The following NKAIN2 variants were observed in gnomAD, a reference collection of about 807,000 sequenced individuals.
The protein encoded by NKAIN2 is sodium/potassium transporting ATPase interacting 2.
NKAIN2 carries 14 observed loss-of-function variants against 32.6 expected under a neutral mutation model. The observed-to-expected ratio is 0.43, with a 90% CI of 0.28 to 0.67. The LOEUF is 0.67. Ranked by LOEUF, NKAIN2 falls within the 30% of genes least tolerant of loss-of-function variation. The pLI, the probability that NKAIN2 is intolerant of heterozygous loss-of-function variation, is 0.17. For synonymous variants in NKAIN2, 80 were observed against 87.2 expected (o/e 0.92, Z 0.46); for missense variants, 198 against 258.3 (o/e 0.77, Z 1.60).
chr6:124,598,551 T>C (rs630683), intron 3 of NKAIN2, among the ~76,000 whole-genome samples: 135,676 of 151,948 alleles, frequency 0.89, 60,841 homozygotes, highest in Non-Finnish European at 0.93. Context: ...CACTTCCACT[T>C]GCATGCTATT....
intron 4 of NKAIN2, among the ~76,000 whole-genome samples, chr6:124,774,047 A>G (rs984447923): frequency 6.6e-6 from 1 of 152,138 alleles, no homozygotes; most frequent in Non-Finnish European, 1.5e-5. Flanking sequence ...GCCTTTACTG[A>G]GAGTAGATTG....
chr6:124,563,090 G>A (rs1445031610), intron 3 of NKAIN2, among the ~76,000 whole-genome samples: 2 of 151,904 alleles, frequency 1.3e-5, no homozygotes, highest in African/African-American at 4.8e-5. Context: ...ATTTTTAGTA[G>A]AGACGGGGTT....
At chr6:124,779,754 A>T (rs764675072) in intron 4 of NKAIN2, among the ~76,000 whole-genome samples, 9 of 152,168 alleles carry the variant, frequency 5.9e-5, no homozygotes, top group Non-Finnish European at 1.0e-4. Context: ...CCCACCTAAC[A>T]ATAAGCCAAG....
intron 1 of NKAIN2, among the ~76,000 whole-genome samples, chr6:123,985,831 A>G (rs756491234): frequency 3.9e-5 from 6 of 152,226 alleles, no homozygotes; most frequent in Non-Finnish European, 8.8e-5. Flanking sequence ...AACTAGAAAG[A>G]GAAGGAATAC....
intron 1 of NKAIN2, among the ~76,000 whole-genome samples, chr6:123,880,386 A>T (rs1342793146): frequency 6.6e-6 from 1 of 152,160 alleles, no homozygotes; most frequent in African/African-American, 2.4e-5. Context: ...AATTCACTAC[A>T]GGATCCCAGG....
intron 3 of NKAIN2, among the ~76,000 whole-genome samples, chr6:124,656,212 G>C (rs1328142068): frequency 6.6e-6 from 1 of 152,108 alleles, no homozygotes; most frequent in African/African-American, 2.4e-5. Context: ...AAAATAAATA[G>C]CAGATCTCCT....
chr6:124,679,835 G>T (rs762026595), intron 4 of NKAIN2, among the ~76,000 whole-genome samples: 16 of 152,106 alleles, frequency 1.1e-4, no homozygotes, highest in Non-Finnish European at 2.1e-4. Context: ...AACTAGGCAG[G>T]TTTATATGGA....
intron 1 of NKAIN2, among the ~76,000 whole-genome samples, chr6:123,932,561 T>C (rs1031976373): frequency 1.3e-5 from 2 of 151,602 alleles, no homozygotes; most frequent in East Asian, 2.0e-4. Context: ...GGACTACAGG[T>C]GTCCGCCAAC....
intron 4 of NKAIN2, among the ~76,000 whole-genome samples, chr6:124,756,078 T>C (rs1777952283): frequency 6.6e-6 from 1 of 152,158 alleles, no homozygotes; most frequent in Admixed American, 6.6e-5. Flanking sequence ...ATTACCTTAG[T>C]TTCCATGAAC....
chr6:124,069,606 G>A (rs1211219496), intron 1 of NKAIN2, among the ~76,000 whole-genome samples: 2 of 152,184 alleles, frequency 1.3e-5, no homozygotes, highest in Non-Finnish European at 2.9e-5. Flanking sequence ...TAATTAGACA[G>A]GTGACCTACA....
chr6:124,455,807 A>G (rs1376206075), intron 3 of NKAIN2, among the ~76,000 whole-genome samples: 1 of 151,918 alleles, frequency 6.6e-6, no homozygotes, highest in Non-Finnish European at 1.5e-5. Flanking sequence ...ATAAATATAT[A>G]CAGAAACATA....
chr6:123,829,833 C>T (rs1205116487), intron 1 of NKAIN2, among the ~76,000 whole-genome samples: 1 of 152,176 alleles, frequency 6.6e-6, no homozygotes, highest in Non-Finnish European at 1.5e-5. Context: ...AAGTAACTAA[C>T]TAATCATGCA....
intron 3 of NKAIN2, among the ~76,000 whole-genome samples, chr6:124,471,648 A>C (rs1420579496): frequency 6.6e-6 from 1 of 152,156 alleles, no homozygotes; most frequent in African/African-American, 2.4e-5. Flanking sequence ...AAAGGTTATA[A>C]AGCACTGACA....
intron 3 of NKAIN2, among the ~76,000 whole-genome samples, chr6:124,492,199 A>G (rs1777891204): frequency 6.6e-6 from 1 of 151,992 alleles, no homozygotes; most frequent in African/African-American, 2.4e-5. Context: ...ATTTTTCTCT[A>G]AAGATATTCG....
In NKAIN2 at chr6:124,120,535, T is replaced by C. The variant is rs564624770; in HGVS notation, c.55-162470T>C. Among the ~76,000 whole-genome samples, 3 of 152,242 alleles carry C rather than the reference T, an allele frequency of 2.0e-5. No individual in the cohort carries two copies. In the East Asian group the frequency reaches 5.8e-4, roughly 29 times the overall value. On this transcript the variant is annotated intron_variant, in intron 1 of 6. Coordinates refer to ENST00000368417, the MANE Select transcript of NKAIN2 (RefSeq NM_001040214.3). ...ATCCCTCTTCCATAAATGATAAAAATGAGGTAGAGTGAAGCTAAATAACTT... is the reference window on the plus strand; with the variant it reads ...ATCCCTCTTCCATAAATGATAAAAACGAGGTAGAGTGAAGCTAAATAACTT...
intron 5 of NKAIN2, among the ~76,000 whole-genome samples, chr6:124,796,131 T>G (rs989429336): frequency 2.6e-5 from 4 of 152,080 alleles, no homozygotes; most frequent in Non-Finnish European, 4.4e-5. Context: ...CCAAATTAGA[T>G]GTGACACTCC....
Position 124,823,473 on chromosome 6 carries a change from A to C in NKAIN2, c.*244A>C, listed in dbSNP as rs149533860. The C allele has an allele frequency of 3.6e-4, 163 of 453,876 alleles. 1 individual carries two copies. The East Asian group carries it at 5.2e-3, about 14-fold the overall frequency. 28.1% of individuals were successfully genotyped at this position (453,876 alleles called of 1,614,324 possible). ...ACAGACAAATATGCAGGACACGCCCATCTTGGATTTCCTGAAAGCAGGCCC... is the reference window on the plus strand; with the variant it reads ...ACAGACAAATATGCAGGACACGCCCCTCTTGGATTTCCTGAAAGCAGGCCC... On this transcript the variant is annotated 3_prime_UTR_variant, in exon 7 of 7. Transcript: ENST00000368417.
intron 3 of NKAIN2, among the ~76,000 whole-genome samples, chr6:124,626,459 C>A (rs1284424101): frequency 6.6e-6 from 1 of 151,978 alleles, no homozygotes; most frequent in Non-Finnish European, 1.5e-5. Context: ...TTATACAATG[C>A]AGATTCATGG....
At chr6:124,734,907 T>A (rs1173220013) in intron 4 of NKAIN2, among the ~76,000 whole-genome samples, 1 of 151,900 alleles carries the variant, frequency 6.6e-6, no homozygotes, top group Non-Finnish European at 1.5e-5. Context: ...TTTTAGACTT[T>A]TGAAAATACT....
Sources: gnomAD v4.1 joint callset for allele counts (sites outside exome capture counted in the v4.1 genomes callset) on GRCh38, gnomAD v4.1.1 for gene constraint, MANE v1.5 for transcripts, NCBI Gene and HGNC (gene_info 2026-07-23, HGNC 2026-07-21) for gene names.